Variants in EMC8 observed in about 807,000 individuals in gnomAD.
EMC8 encodes ER membrane protein complex subunit 8, also known as COX4 neighbor.
A neutral mutation model predicts 24.3 loss-of-function variants in EMC8; 11 were observed. The observed-to-expected ratio is 0.45, with a 90% CI of 0.28 to 0.75. The LOEUF (loss-of-function observed/expected upper bound fraction) is 0.75, where lower values mean the gene tolerates loss of function less well. Among genes scored for constraint, EMC8 ranks in the 30% least tolerant of loss-of-function variants. The probability of loss-of-function intolerance (pLI) is 0.12; values close to 1 mark genes in which losing one functional copy is unlikely to be tolerated. For missense variants in EMC8, 277 were observed against 282.7 expected (o/e 0.98, Z 0.14); for synonymous variants, 145 against 117.7 (o/e 1.23, Z -1.50).
chr16:85,796,313 T>C (rs1285685266), intron 1 of EMC8, among the ~76,000 whole-genome samples: 6 of 152,266 alleles, frequency 3.9e-5, no homozygotes, highest in African/African-American at 1.4e-4. Flanking sequence ...CTTACTTCCT[T>C]TTCCCCTAGG....
chr16:85,797,972 C>T (rs1905319749), intron 1 of EMC8, among the ~76,000 whole-genome samples: 1 of 152,154 alleles, frequency 6.6e-6, no homozygotes, highest in Non-Finnish European at 1.5e-5. Flanking sequence ...AAGCTACTGC[C>T]TAAAATTCAC....
Position 85,780,432 on chromosome 16 carries a change from C to T in EMC8, c.420G>A (p.Thr140=), listed in dbSNP as rs780325992. 84 of 1,614,070 alleles carry T rather than the reference C, an allele frequency of 5.2e-5. No homozygotes were observed. The Middle Eastern group carries it at 4.3e-3, about 82-fold the overall frequency. ...TKFTMDCVAP[T]IHVYEHHENR... Reference sequence around the variant, plus strand: ...TCTCATGGTGCTCGTACACGTGGATCGTAGGCGCTACGCAGTCCATCGTAA... The same window carrying T: ...TCTCATGGTGCTCGTACACGTGGATTGTAGGCGCTACGCAGTCCATCGTAA... Residue 140 remains threonine, a synonymous_variant, in exon 4 of 5, where the codon ACG becomes ACA. Coordinates refer to ENST00000253457, the MANE Select transcript of EMC8 (RefSeq NM_006067.5).
chr16:85,786,250 C>T (rs1904748716), intron 2 of EMC8, among the ~76,000 whole-genome samples: 1 of 152,208 alleles, frequency 6.6e-6, no homozygotes, highest in Non-Finnish European at 1.5e-5. Flanking sequence ...GTCTACTTGG[C>T]TCCAAATCAT....
In EMC8 at chr16:85,781,425, T is replaced by C. The variant is rs1040822761; in HGVS notation, c.309-145A>G. 6.4e-6 allele frequency: 4 copies of C among 625,642 alleles called. No individual in the cohort carries two copies. In the African/African-American group the frequency reaches 7.4e-5, roughly 12 times the overall value. The allele number at this position is 625,642 out of a possible 1,614,324, so 38.8% of individuals were successfully genotyped here. On this transcript the variant is annotated intron_variant, in intron 2 of 4. Coordinates refer to ENST00000253457, the MANE Select transcript of EMC8 (RefSeq NM_006067.5). ...GCTGCACGTGCTCGCTTCGCTGGTT[T>C]ACTTATTATTTAATTTTTTGGTAGA...
Position 85,799,047 on chromosome 16 carries a change from G to A in EMC8, c.231+18C>T. On this transcript the variant is annotated intron_variant, in intron 1 of 4. Transcript: ENST00000253457. This position sits in a 1 kb window ranked among gnomAD's most constrained non-coding sequence, Gnocchi z 4.2. ...GGCCAGGCTGCCTGCAAGGGGAAGG[G>A]GCCCTTTCCGCGCTTACCAGGGTGA... 2.0e-6 allele frequency: 3 copies of A among 1,499,962 alleles called. No individual in the cohort carries two copies. Among genetic ancestry groups the A allele is most frequent in the Non-Finnish European group, 2.7e-6 (3 of 1,105,284 alleles). The allele number at this position is 1,499,962 out of a possible 1,614,324, so 92.9% of individuals were successfully genotyped here.
chr16:85,794,154 G>C (rs1905144093), intron 1 of EMC8, among the ~76,000 whole-genome samples: 1 of 152,192 alleles, frequency 6.6e-6, no homozygotes, highest in Non-Finnish European at 1.5e-5. Context: ...TTCTATGGCT[G>C]ATAACCTCAT....
At chr16:85,795,528 T>G (rs1045744013) in intron 1 of EMC8, among the ~76,000 whole-genome samples, 1 of 113,896 alleles carries the variant, frequency 8.8e-6, no homozygotes, top group Admixed American at 9.7e-5. Context: ...CCTCTCCGCC[T>G]TTCTGACGGT....
chr16:85,780,301 C>T, intron 4 of EMC8, 78 bp downstream of exon 4: 1 of 1,024,682 alleles, frequency 9.8e-7, no homozygotes, highest in Admixed American at 1.8e-5. Context: ...ACTGAAAACA[C>T]AGGCGGGGTG....
chr16:85,789,753 C>T (rs1372674090), intron 1 of EMC8, among the ~76,000 whole-genome samples: 1 of 151,366 alleles, frequency 6.6e-6, no homozygotes, highest in Admixed American at 6.6e-5. Flanking sequence ...GATCATGCCA[C>T]TGCACTCCAG....
In EMC8 at chr16:85,791,956, G is replaced by A. The variant is rs182400126; in HGVS notation, c.232-2906C>T. On this transcript the variant is annotated intron_variant, in intron 1 of 4. Coordinates refer to ENST00000253457, the MANE Select transcript of EMC8 (RefSeq NM_006067.5). ...ATTAGGATGTGGACATATTTGGGGG[G>A]TTATTACTCAGCTGACCATACCATA... 1.1e-4 allele frequency among the ~76,000 whole-genome samples: 17 copies of A among 152,302 alleles called. No individual in the cohort carries two copies. In the East Asian group the frequency reaches 3.3e-3, roughly 29 times the overall value.
intron 1 of EMC8, among the ~76,000 whole-genome samples, chr16:85,793,873 G>T (rs11647806): frequency 0.68 from 104,127 of 152,056 alleles, 36,845 homozygotes; most frequent in Non-Finnish European, 0.78. Context: ...ACGTCAAAGG[G>T]TTATAAGGAT....
Position 85,780,190 on chromosome 16 carries a change from G to C in EMC8, c.473+189C>G, listed in dbSNP as rs74680327. On this transcript the variant is annotated intron_variant, in intron 4 of 4. Transcript: ENST00000253457. ...AGCGCCTGGGGTGGGAAGACCTGTG[G>C]GTACCACTGAGGTTCCCTCTACTGC... 1,074 of 613,316 alleles carry C rather than the reference G, an allele frequency of 1.8e-3. 19 individuals are homozygous for C. The East Asian group carries it at 0.028, about 16-fold the overall frequency. The allele number at this position is 613,316 out of a possible 1,614,324, so 38.0% of individuals were successfully genotyped here.
chr16:85,791,006 T>C (rs896370953), intron 1 of EMC8, among the ~76,000 whole-genome samples: 3 of 152,128 alleles, frequency 2.0e-5, no homozygotes, highest in South Asian at 2.1e-4. Context: ...TTTAAATTTT[T>C]TGTAGAGACA....
chr16:85,781,302 A>G, intron 2 of EMC8, 22 bp from the exon 3 acceptor site: 6 of 969,832 alleles, frequency 6.2e-6, no homozygotes, highest in Non-Finnish European at 9.6e-6. Context: ...ATAGGCTACC[A>G]CATTCCAGTT....
chr16:85,794,497 T>C (rs1323968426), intron 1 of EMC8, among the ~76,000 whole-genome samples: 1 of 152,128 alleles, frequency 6.6e-6, no homozygotes, highest in East Asian at 1.9e-4. Context: ...GAGACCCGCC[T>C]GGGTGACACG....
At chr16:85,798,117 T>G (rs1049267291) in intron 1 of EMC8, among the ~76,000 whole-genome samples, 1 of 39,398 alleles carries the variant, frequency 2.5e-5, no homozygotes, top group Admixed American at 2.1e-4. Flanking sequence ...GAAATTCGTT[T>G]TTTTTTTTTT....
chr16:85,786,803 T>A (rs1013526424), intron 2 of EMC8, among the ~76,000 whole-genome samples: 1 of 152,144 alleles, frequency 6.6e-6, no homozygotes, highest in African/African-American at 2.4e-5. Context: ...CAGGCTGGGC[T>A]GTAACGAGGT....
rs554784074 is a variant in EMC8 at position 85,794,111 on chromosome 16, G to T, written c.231+4954C>A. Reference sequence around the variant, plus strand: ...AGAACAAGGCCTCATTTACACAGCTGCATGGATTTAGATGCTTTGTGAAAA... The same window carrying T: ...AGAACAAGGCCTCATTTACACAGCTTCATGGATTTAGATGCTTTGTGAAAA... On this transcript the variant is annotated intron_variant, in intron 1 of 4. Coordinates refer to ENST00000253457, the MANE Select transcript of EMC8 (RefSeq NM_006067.5). Among the ~76,000 whole-genome samples the T allele has an allele frequency of 3.3e-5, 5 of 152,318 alleles. No homozygotes were observed. The East Asian group carries it at 9.6e-4, about 29-fold the overall frequency.
At chr16:85,788,874 G>T in intron 2 of EMC8, 100 bp downstream of exon 2, 1 of 663,012 alleles carries the variant, frequency 1.5e-6, no homozygotes. Flanking sequence ...AGGGGTGTAG[G>T]TCTCACAGGT....
Sources: allele counts gnomAD v4.1 joint callset (sites outside exome capture counted in the v4.1 genomes callset), GRCh38; gene constraint gnomAD v4.1.1; non-coding constraint Gnocchi (gnomAD v3.1); transcripts MANE v1.5; gene names NCBI Gene and HGNC (gene_info 2026-07-23, HGNC 2026-07-21).